ERCC6: variants seen among roughly 807,000 people sequenced by gnomAD.
ERCC6 encodes the protein DNA excision repair protein ERCC-6.
ERCC6 carries 116 observed loss-of-function variants against 158.7 expected under a neutral mutation model. The ratio of observed to expected loss-of-function variants is 0.73; its 90% CI spans 0.63 to 0.85. The LOEUF (loss-of-function observed/expected upper bound fraction) is 0.85. ERCC6 is among the 40% of genes least tolerant of loss of function. The pLI, the probability that ERCC6 is intolerant of heterozygous loss-of-function variation, is 0.00. For missense variants in ERCC6, 1,698 were observed against 1,799.4 expected (o/e 0.94, Z 1.02); for synonymous variants, 678 against 659.3 (o/e 1.03, Z -0.43).
intron 4 of ERCC6, among the ~76,000 whole-genome samples, chr10:49,527,166 G>A (rs956754956): frequency 1.3e-5 from 2 of 152,126 alleles, no homozygotes; most frequent in African/African-American, 4.8e-5. Context: ...CCTAGACAAT[G>A]TAGCTATTAA....
At chr10:49,483,596 T>C (rs1010494463) in intron 8 of ERCC6, 80 bp from the exon 9 acceptor site, 27 of 1,389,636 alleles carry the variant, frequency 1.9e-5, no homozygotes, top group Non-Finnish European at 2.5e-5. Flanking sequence ...CTAAAGTACT[T>C]TATAAAAATG....
In ERCC6 at chr10:49,470,472, G is replaced by A; in HGVS notation, c.3488C>T (p.Ala1163Val). 1.2e-6 allele frequency: 2 copies of A among 1,614,088 alleles called. No homozygotes were observed. The highest frequency in any genetic ancestry group is 1.7e-6 in the Non-Finnish European group (2 of 1,180,018). ...ATTCTCCCAAAAAGCTTCTGTTTGA[G>A]CCTGGCTGGGTCTTTCTCTTTTGTA... is the stretch of plus-strand genomic sequence containing the variant. ...LSYKRERPSQ[A>V]QTEAFWENKQ... The change falls in exon 18 of 21, where the codon GCT becomes GTT. Residue 1163 changes from alanine to valine, a missense_variant. Ala to Val is a moderately conservative substitution (Grantham distance 64). Coordinates refer to ENST00000355832, the MANE Select transcript of ERCC6 (RefSeq NM_000124.4).
rs1308190404 is a variant in ERCC6, at chr10:49,482,801, C to T, written c.2055G>A (p.Leu685=). The T allele has an allele frequency of 1.2e-6, 2 of 1,613,922 alleles. No individual in the cohort carries two copies. The highest frequency in any genetic ancestry group is 1.3e-5 in the African/African-American group (1 of 74,872). ...GSPMQNNLRE[L]WSLFDFIFPG... ...GGAAGATGAAGTCAAAGAGCGACCA[C>T]AGCTCTCGGAGGTTATTTTGCATCG... Residue 685 remains leucine (L), a synonymous_variant, in exon 10 of 21, where the codon CTG becomes CTA. Transcript: ENST00000355832.
chr10:49,472,761 T>G, intron 15 of ERCC6, 148 bp downstream of exon 15: 1 of 943,026 alleles, frequency 1.1e-6, no homozygotes, highest in South Asian at 1.7e-5. Flanking sequence ...CTCTGAAGGG[T>G]GTCTTCTTTC....
chr10:49,437,446 C>A, the ERCC6 span, among the ~76,000 whole-genome samples: 2 of 152,108 alleles, frequency 1.3e-5, no homozygotes, highest in African/African-American at 4.8e-5. Flanking sequence ...AAATAATGTT[C>A]TTCTAGGTAT....
intron 8 of ERCC6, among the ~76,000 whole-genome samples, chr10:49,490,087 A>G (rs1290762774): frequency 6.6e-6 from 1 of 152,234 alleles, no homozygotes; most frequent in Non-Finnish European, 1.5e-5. Context: ...ATTTCAAGTG[A>G]CCATTAAAAG....
chr10:49,480,078 C>T (rs1031302133), intron 10 of ERCC6, among the ~76,000 whole-genome samples: 59 of 152,174 alleles, frequency 3.9e-4, no homozygotes, highest in African/African-American at 1.3e-3. Context: ...GTCAACTAGG[C>T]GTCCCTGCAG....
chr10:49,490,942 G>A (rs921199145), intron 8 of ERCC6, among the ~76,000 whole-genome samples: 4 of 152,142 alleles, frequency 2.6e-5, no homozygotes, highest in Non-Finnish European at 4.4e-5. Context: ...GTTAGAGGAC[G>A]AATCACCACA....
At chr10:49,463,664 G>A (rs1482177424) in intron 18 of ERCC6, among the ~76,000 whole-genome samples, 1 of 152,162 alleles carries the variant, frequency 6.6e-6, no homozygotes, top group East Asian at 1.9e-4. Context: ...CGTGACATGG[G>A]AGGAACCCAG....
chr10:49,525,053 T>C, intron 4 of ERCC6: 1 of 613,622 alleles, frequency 1.6e-6, no homozygotes, highest in Non-Finnish European at 2.6e-6. Flanking sequence ...AAGATAGGCT[T>C]ATTACTGTAT....
At chr10:49,489,035 A>G (rs777474123) in intron 8 of ERCC6, among the ~76,000 whole-genome samples, 3 of 152,150 alleles carry the variant, frequency 2.0e-5, no homozygotes, top group East Asian at 1.9e-4. Flanking sequence ...CGCCGGCCTC[A>G]GCCTCCCAAA....
rs1328068191 is a variant in ERCC6, at chr10:49,477,714, T to C, written c.2286+640A>G. Among the ~76,000 whole-genome samples, 3 of 152,182 alleles carry C rather than the reference T, an allele frequency of 2.0e-5. No homozygotes were observed. In the East Asian group the frequency reaches 5.8e-4, roughly 29 times the overall value. ...CCAGCCCTGACCACACTGGCCTCCCTGCTGTCTATGAAGGCCCCAAAGCAC... is the reference window on the plus strand; with the variant it reads ...CCAGCCCTGACCACACTGGCCTCCCCGCTGTCTATGAAGGCCCCAAAGCAC... On this transcript the variant is annotated intron_variant, in intron 11 of 20. Coordinates refer to ENST00000355832, the MANE Select transcript of ERCC6 (RefSeq NM_000124.4).
At chr10:49,472,194 C>CA (rs770307740) in intron 16 of ERCC6, among the ~76,000 whole-genome samples, 182 bp downstream of exon 16, 1 of 152,056 alleles carries the variant, frequency 6.6e-6, no homozygotes, top group Non-Finnish European at 1.5e-5. Context: ...TTTGACAACT[C>CA]ACAGTAAGAC....
intron 10 of ERCC6, among the ~76,000 whole-genome samples, chr10:49,481,855 C>G (rs1378585423): frequency 6.6e-6 from 1 of 152,210 alleles, no homozygotes. Context: ...CAGACCACCA[C>G]CCAAGATCAG....
intron 8 of ERCC6, among the ~76,000 whole-genome samples, chr10:49,490,173 T>C (rs1851148071): frequency 6.6e-6 from 1 of 152,186 alleles, no homozygotes. Flanking sequence ...TTTTTTTGCA[T>C]GGCTGCTGGG....
At chr10:49,523,791 T>G (rs1480661046) in intron 5 of ERCC6, among the ~76,000 whole-genome samples, 3 of 152,070 alleles carry the variant, frequency 2.0e-5, no homozygotes, top group Non-Finnish European at 4.4e-5. Context: ...CCTTAAGTTT[T>G]TCATCTTAGA....
intron 12 of ERCC6, chr10:49,475,493 C>A (rs1250390362): frequency 7.3e-6 from 3 of 408,830 alleles, no homozygotes; most frequent in African/African-American, 2.1e-5. Context: ...GACTGAAGAA[C>A]CTCCTGTAGC....
At chr10:49,445,911 G>T in the ERCC6 span, among the ~76,000 whole-genome samples, 2 of 152,136 alleles carry the variant, frequency 1.3e-5, no homozygotes, top group Non-Finnish European at 2.9e-5. Flanking sequence ...CAGAAAAACA[G>T]TGGGCTAGAA....
chr10:49,494,900 C>A (rs1344135529), intron 7 of ERCC6, among the ~76,000 whole-genome samples: 1 of 152,200 alleles, frequency 6.6e-6, no homozygotes, highest in Non-Finnish European at 1.5e-5. Flanking sequence ...AGCTGCTGAT[C>A]ATGCTGTGTC....
Sources: gnomAD v4.1 joint callset for allele counts (sites outside exome capture counted in the v4.1 genomes callset) on GRCh38, gnomAD v4.1.1 for gene constraint, MANE v1.5 for transcripts, NCBI Gene and HGNC (gene_info 2026-07-23, HGNC 2026-07-21) for gene names.